The following PRELID2 variants were observed in gnomAD, a reference collection of about 807,000 sequenced individuals.
PRELID2 encodes PRELI domain-containing protein 2.
PRELID2 carries 25 observed loss-of-function variants against 28.4 expected under a neutral mutation model. The ratio of observed to expected loss-of-function variants is 0.88; its 90% CI spans 0.64 to 1.23. The LOEUF is 1.23. PRELID2 is among the 50% of genes most tolerant of loss of function. The pLI, the probability that PRELID2 is intolerant of heterozygous loss-of-function variation, is 0.00. For missense variants in PRELID2, 201 were observed against 214.4 expected (o/e 0.94, Z 0.39); for synonymous variants, 76 against 71.6 (o/e 1.06, Z -0.31).
intron 1 of PRELID2, among the ~76,000 whole-genome samples, chr5:145,634,621 G>T (rs988518061): frequency 2.9e-4 from 44 of 152,054 alleles, no homozygotes; most frequent in African/African-American, 1.0e-3. Flanking sequence ...CCAGTGATGG[G>T]CTAGGACATC....
chr5:145,808,145 G>A lies in PRELID2; in HGVS notation c.368+9749C>T, dbSNP rs150039199. On this transcript the variant is annotated intron_variant, in intron 4 of 6. Transcript: ENST00000683046. ...AGCAGAGGGAGTCATGTTTTGGGACGAATACAGTAGTATTTATTTAGGCTA... is the reference window on the plus strand; with the variant it reads ...AGCAGAGGGAGTCATGTTTTGGGACAAATACAGTAGTATTTATTTAGGCTA... Among the ~76,000 whole-genome samples, 904 of 152,190 alleles carry A rather than the reference G, an allele frequency of 5.9e-3. 37 individuals are homozygous for A. Among genetic ancestry groups the A allele is most frequent in the Admixed American group, 0.056 (858 of 15,276 alleles).
chr5:145,425,558 T>C, the PRELID2 span, among the ~76,000 whole-genome samples: 3,922 of 152,286 alleles, frequency 0.026, 144 homozygotes, highest in African/African-American at 0.082. Context: ...ACATACACCA[T>C]GGAATACTAT....
chr5:145,782,279 C>A (rs983189337), intron 5 of PRELID2, among the ~76,000 whole-genome samples: 2 of 152,166 alleles, frequency 1.3e-5, no homozygotes, highest in Admixed American at 6.5e-5. Flanking sequence ...AAGTGAATGG[C>A]GGTTGAGAGG....
At chr5:145,368,794 G>T in the PRELID2 span, among the ~76,000 whole-genome samples, 2 of 150,410 alleles carry the variant, frequency 1.3e-5, no homozygotes, top group African/African-American at 2.4e-5. Context: ...CATTTTTTTT[G>T]TTGTTGTTTT....
intron 1 of PRELID2, among the ~76,000 whole-genome samples, chr5:145,740,480 T>C (rs1756640421): frequency 7.2e-6 from 1 of 138,774 alleles, no homozygotes; most frequent in South Asian, 2.1e-4. Context: ...AACTAGGATA[T>C]AGAAGAATGC....
At chr5:145,794,886 G>A (rs1358993676) in intron 5 of PRELID2, among the ~76,000 whole-genome samples, 1 of 152,016 alleles carries the variant, frequency 6.6e-6, no homozygotes, top group Admixed American at 6.6e-5. Flanking sequence ...TGAAATAGGG[G>A]TTAGCTATAC....
At chr5:145,404,633 C>A in the PRELID2 span, among the ~76,000 whole-genome samples, 1 of 152,122 alleles carries the variant, frequency 6.6e-6, no homozygotes, top group Non-Finnish European at 1.5e-5. Flanking sequence ...CATCTTTAAA[C>A]CTCTCCTCAT....
the PRELID2 span, among the ~76,000 whole-genome samples, chr5:145,462,440 G>A: frequency 6.6e-6 from 1 of 152,300 alleles, no homozygotes; most frequent in East Asian, 1.9e-4. Flanking sequence ...ACATTGAAAT[G>A]TGTCTTAAAT....
At position 145,523,119 on chromosome 5, in the gene PRELID2, T is replaced by C. The variant is rs139008303; in HGVS notation, n.71-49804A>G. Among the ~76,000 whole-genome samples, 985 of 152,288 alleles carry C rather than the reference T, an allele frequency of 6.5e-3. 7 individuals carry two copies. The highest frequency in any genetic ancestry group is 0.017 in the Middle Eastern group (5 of 294). On this transcript the variant is annotated intron_variant and non_coding_transcript_variant, in intron 1 of 2. Transcript: ENST00000510259. ...AATTTCTAGACAAAGTGTTATAGAC[T>C]GATTTGTAAACTACTGAGTATCACG... is the stretch of plus-strand genomic sequence containing the variant.
chr5:145,335,206 T>G, the PRELID2 span, among the ~76,000 whole-genome samples: 1 of 152,012 alleles, frequency 6.6e-6, no homozygotes, highest in African/African-American at 2.4e-5. Context: ...ATGACCTATT[T>G]TTGAGTTAAC....
intron 1 of PRELID2, among the ~76,000 whole-genome samples, chr5:145,589,138 G>T (rs10036664): frequency 0.016 from 2,494 of 152,160 alleles, 79 homozygotes; most frequent in African/African-American, 0.057. Flanking sequence ...AATTCTCTGT[G>T]TGCCTAACCT....
In PRELID2 at chr5:145,637,860, G is replaced by C. The variant is rs577717004; in HGVS notation, n.70+127071C>G. On this transcript the variant is annotated intron_variant and non_coding_transcript_variant, in intron 1 of 2. Transcript: ENST00000510259. ...GAGTCTTGCTCTCTCTCCCAGGCTAGAGTGCAATGGCACGATCTCGGCTCA... is the reference window on the plus strand; with the variant it reads ...GAGTCTTGCTCTCTCTCCCAGGCTACAGTGCAATGGCACGATCTCGGCTCA... Among the ~76,000 whole-genome samples the C allele has an allele frequency of 6.9e-5, 10 of 144,156 alleles. No homozygotes were observed. The East Asian group carries it at 8.1e-4, about 12-fold the overall frequency. The allele number at this position is 144,156 out of a possible 152,430, so 94.6% of individuals were successfully genotyped here.
At chr5:145,696,136 T>G (rs1448643486) in intron 1 of PRELID2, among the ~76,000 whole-genome samples, 1 of 147,172 alleles carries the variant, frequency 6.8e-6, no homozygotes, top group African/African-American at 2.5e-5. Flanking sequence ...TTCTGGCACA[T>G]AGTGAGCAAT....
the PRELID2 span, among the ~76,000 whole-genome samples, chr5:145,286,025 T>A: frequency 6.6e-6 from 1 of 152,172 alleles, no homozygotes; most frequent in Non-Finnish European, 1.5e-5. Flanking sequence ...CAAAACCAGT[T>A]AGCCATTTGG....
the PRELID2 span, among the ~76,000 whole-genome samples, chr5:145,308,066 ACT>A: frequency 6.6e-6 from 1 of 151,986 alleles, no homozygotes; most frequent in Non-Finnish European, 1.5e-5. Flanking sequence ...GCGGTAATAC[ACT>A]CTCTTAAAAG....
chr5:145,673,938 A>G (rs1421875849), intron 1 of PRELID2, among the ~76,000 whole-genome samples: 1 of 152,214 alleles, frequency 6.6e-6, no homozygotes, highest in Admixed American at 6.5e-5. Flanking sequence ...ATTCTAGGCA[A>G]GGAAGTACCA....
intron 1 of PRELID2, among the ~76,000 whole-genome samples, chr5:145,578,175 T>C (rs985248860): frequency 1.3e-5 from 2 of 152,118 alleles, no homozygotes; most frequent in African/African-American, 4.8e-5. Context: ...GAGGAAGATA[T>C]CTCCCATCTT....
At chr5:145,823,637 G>C (rs1295448348) in intron 1 of PRELID2, among the ~76,000 whole-genome samples, 1 of 152,140 alleles carries the variant, frequency 6.6e-6, no homozygotes, top group African/African-American at 2.4e-5. Context: ...AACCAGGCCT[G>C]TTTAATACAG....
At chr5:145,319,706 A>C in the PRELID2 span, among the ~76,000 whole-genome samples, 154 of 145,764 alleles carry the variant, frequency 1.1e-3, 1 homozygote, top group Non-Finnish European at 1.7e-3. Context: ...TAAATAAATA[A>C]ATAAATAAAT....
Sources: allele counts gnomAD v4.1 joint callset (sites outside exome capture counted in the v4.1 genomes callset), GRCh38; gene constraint gnomAD v4.1.1; transcripts MANE v1.5; gene names NCBI Gene and HGNC (gene_info 2026-07-23, HGNC 2026-07-21).